ZNF804A: variants seen among roughly 807,000 people sequenced by gnomAD.
ZNF804A encodes zinc finger protein 804A.
Under a neutral mutation model 16.5 loss-of-function variants are expected in ZNF804A, and 2 were observed. That is an observed-to-expected ratio of 0.12 (90% confidence interval 0.05 to 0.38). The LOEUF (loss-of-function observed/expected upper bound fraction) is 0.38. Among genes scored for constraint, ZNF804A ranks in the 10% least tolerant of loss-of-function variants. ZNF804A has a pLI of 0.99. For missense variants in ZNF804A, 1,473 were observed against 1,390.7 expected (o/e 1.06, Z -0.94); for synonymous variants, 534 against 489.6 (o/e 1.09, Z -1.20).
At chr2:184,703,158 T>A (rs1313890275) in intron 1 of ZNF804A, among the ~76,000 whole-genome samples, 1 of 152,184 alleles carries the variant, frequency 6.6e-6, no homozygotes, top group African/African-American at 2.4e-5. Flanking sequence ...CAAATAATTT[T>A]AATGGAAAAA....
In ZNF804A at chr2:184,937,113, C is replaced by A. The variant is rs767954726; in HGVS notation, c.1717C>A (p.Leu573Ile). The A allele has an allele frequency of 7.5e-6, 12 of 1,604,070 alleles. No individual in the cohort carries two copies. The highest frequency in any genetic ancestry group is 1.0e-5 in the Non-Finnish European group (12 of 1,177,588). The change falls in exon 4 of 4, where the codon CTA (leucine) becomes ATA (isoleucine). Residue 573 changes from leucine (L) to isoleucine (I), a missense_variant. By Grantham distance (5) the Leu-to-Ile change is conservative (BLOSUM62 2). Coordinates refer to ENST00000302277, the MANE Select transcript of ZNF804A (RefSeq NM_194250.2). ...FTKSQIKQDT[L>I]DEKYNKIRLK... ...TAAAAGTCAAATAAAACAGGACACT[C>A]TAGATGAAAAATACAACAAAATAAG... is the stretch of plus-strand genomic sequence containing the variant.
intron 1 of ZNF804A, among the ~76,000 whole-genome samples, chr2:184,768,185 T>A (rs1170461026): frequency 1.3e-5 from 2 of 152,048 alleles, no homozygotes; most frequent in Non-Finnish European, 2.9e-5. Flanking sequence ...TTACCTTGAA[T>A]TAGGTATCAT....
chr2:184,938,281 G>T lies in ZNF804A; in HGVS notation c.2885G>T (p.Arg962Ile), dbSNP rs1454852463. The T allele has an allele frequency of 1.9e-6, 3 of 1,613,968 alleles. No individual in the cohort carries two copies. The highest frequency in any genetic ancestry group is 2.5e-6 in the Non-Finnish European group (3 of 1,180,010). The change falls in exon 4 of 4, where the codon AGA becomes ATA. Residue 962 changes from arginine (R) to isoleucine (I), a missense_variant. Arg to Ile is a moderately conservative substitution (Grantham distance 97). Coordinates refer to ENST00000302277, the MANE Select transcript of ZNF804A (RefSeq NM_194250.2). Reference protein sequence around the residue: ...FQVPNIERNFRQSQPKSYLCH... With the variant: ...FQVPNIERNFIQSQPKSYLCH... ...GTGCCTAATATTGAAAGGAACTTTA[G>T]ACAGTCACAGCCTAAATCCTATCTT... is the stretch of plus-strand genomic sequence containing the variant.
At chr2:184,863,471 TG>T (rs1224353536) in intron 1 of ZNF804A, among the ~76,000 whole-genome samples, 6 of 152,054 alleles carry the variant, frequency 3.9e-5, no homozygotes, top group African/African-American at 1.4e-4. Flanking sequence ...CCAAGAAGTC[TG>T]TTCCGCTAAA....
chr2:184,730,505 C>T (rs1693496858), intron 1 of ZNF804A, among the ~76,000 whole-genome samples: 1 of 152,116 alleles, frequency 6.6e-6, no homozygotes, highest in Non-Finnish European at 1.5e-5. Context: ...ATTTCACTTC[C>T]CTAAAAAATA....
rs750703184 is a variant in ZNF804A, at chr2:184,936,189, A to G, written c.793A>G (p.Thr265Ala). ...SACHLQQSSPTDVLLSSEEKT... is the reference protein window; with the variant it reads ...SACHLQQSSPADVLLSSEEKT... The stretch of plus-strand genomic sequence containing the variant: ...TTGTCATCTTCAACAATCTTCACCA[A>G]CAGATGTGCTTTTGAGTTCTGAGGA... The change falls in exon 4 of 4, where the codon ACA becomes GCA. Residue 265 changes from threonine to alanine, a missense_variant. Transcript: ENST00000302277. 3 of 1,613,914 alleles carry G rather than the reference A, an allele frequency of 1.9e-6. No homozygotes were observed. Among genetic ancestry groups the G allele is most frequent in the Non-Finnish European group, 2.5e-6 (3 of 1,179,944 alleles).
intron 1 of ZNF804A, among the ~76,000 whole-genome samples, chr2:184,819,656 T>C (rs1162090609): frequency 6.6e-6 from 1 of 150,788 alleles, no homozygotes; most frequent in African/African-American, 2.4e-5. Context: ...AAAAATTTAA[T>C]AAAATAGACT....
chr2:184,761,571 G>A (rs10206426), intron 1 of ZNF804A, among the ~76,000 whole-genome samples: 1 of 151,904 alleles, frequency 6.6e-6, no homozygotes. Flanking sequence ...ATGGGAAAAT[G>A]AATCCCGGAC....
chr2:184,636,726 G>T (rs901745111), intron 1 of ZNF804A, among the ~76,000 whole-genome samples: 5 of 151,832 alleles, frequency 3.3e-5, no homozygotes, highest in Non-Finnish European at 7.4e-5. Context: ...TAATTATGAA[G>T]GCGATTGATG....
intron 2 of ZNF804A, among the ~76,000 whole-genome samples, chr2:184,892,937 T>G (rs1685011369): frequency 6.6e-6 from 1 of 152,230 alleles, no homozygotes. Flanking sequence ...GGTTTCATTG[T>G]TTTTTCATAA....
chr2:184,747,337 A>G (rs1457180632), intron 1 of ZNF804A, among the ~76,000 whole-genome samples: 2 of 149,724 alleles, frequency 1.3e-5, no homozygotes, highest in Non-Finnish European at 3.0e-5. Flanking sequence ...AAAAAAAAAA[A>G]AAAAAGAAAT....
intron 1 of ZNF804A, among the ~76,000 whole-genome samples, chr2:184,671,923 T>G (rs560251020): frequency 6.6e-6 from 1 of 152,352 alleles, no homozygotes; most frequent in African/African-American, 2.4e-5. Context: ...GCTAAGTGCT[T>G]TGAGCAGGGG....
At chr2:184,732,862 C>T (rs1388786004) in intron 1 of ZNF804A, among the ~76,000 whole-genome samples, 1 of 152,064 alleles carries the variant, frequency 6.6e-6, no homozygotes, top group East Asian at 1.9e-4. Flanking sequence ...ACTAGCTTTT[C>T]TATATTAACC....
chr2:184,904,262 T>A (rs544308751), intron 2 of ZNF804A, among the ~76,000 whole-genome samples: 1 of 152,216 alleles, frequency 6.6e-6, no homozygotes, highest in African/African-American at 2.4e-5. Context: ...AATAGTTTAC[T>A]TAATTTTTAT....
intron 2 of ZNF804A, among the ~76,000 whole-genome samples, chr2:184,925,048 T>G (rs1304894489): frequency 1.3e-5 from 2 of 151,968 alleles, no homozygotes; most frequent in Non-Finnish European, 2.9e-5. Flanking sequence ...AAATATCTAT[T>G]AAGTTCATTT....
intron 1 of ZNF804A, among the ~76,000 whole-genome samples, chr2:184,782,700 T>G (rs1694389765): frequency 6.7e-6 from 1 of 149,182 alleles, no homozygotes; most frequent in Non-Finnish European, 1.5e-5. Context: ...ATATAGGATA[T>G]ATATATATAT....
intron 1 of ZNF804A, among the ~76,000 whole-genome samples, chr2:184,795,377 A>G (rs1694615671): frequency 6.6e-6 from 1 of 152,130 alleles, no homozygotes; most frequent in African/African-American, 2.4e-5. Flanking sequence ...ACCAAATGGC[A>G]ATAGTGACAC....
At chr2:184,626,398 A>C (rs554932206) in intron 1 of ZNF804A, among the ~76,000 whole-genome samples, 1 of 152,310 alleles carries the variant, frequency 6.6e-6, no homozygotes, top group Non-Finnish European at 1.5e-5. Context: ...TGCTTTTGGA[A>C]TTTTTGAAAC....
At chr2:184,804,178 T>C (rs757974876) in intron 1 of ZNF804A, among the ~76,000 whole-genome samples, 10 of 152,142 alleles carry the variant, frequency 6.6e-5, no homozygotes, top group Non-Finnish European at 1.5e-4. Context: ...CTGTCTGTTA[T>C]AAGGACATTT....
Sources: gnomAD v4.1 joint callset for allele counts (sites outside exome capture counted in the v4.1 genomes callset) on GRCh38, gnomAD v4.1.1 for gene constraint, MANE v1.5 for transcripts, NCBI Gene and HGNC (gene_info 2026-07-23, HGNC 2026-07-21) for gene names.